Variants in NTN4 observed in about 807,000 individuals in gnomAD.
The protein encoded by NTN4 is netrin 4, also known as netrin-4.
Under a neutral mutation model 73.6 loss-of-function variants are expected in NTN4, and 32 were observed. The ratio of observed to expected loss-of-function variants is 0.44; its 90% confidence interval spans 0.33 to 0.58. NTN4 has a LOEUF of 0.58. Ranked by LOEUF, NTN4 falls within the 20% of genes least tolerant of loss-of-function variation. The pLI is 0.04. For missense variants in NTN4, 654 were observed against 798.3 expected (o/e 0.82, Z 2.18); for synonymous variants, 258 against 287.5 (o/e 0.90, Z 1.04).
intron 5 of NTN4, among the ~76,000 whole-genome samples, chr12:95,695,280 A>AAAAT (rs1208378966): frequency 6.6e-6 from 1 of 152,228 alleles, no homozygotes; most frequent in Non-Finnish European, 1.5e-5. Flanking sequence ...AAAGCTTTAA[A>AAAAT]AAATAAATGT....
intron 5 of NTN4, among the ~76,000 whole-genome samples, chr12:95,689,955 TG>T (rs2078389654): frequency 6.6e-6 from 1 of 152,190 alleles, no homozygotes; most frequent in Non-Finnish European, 1.5e-5. Flanking sequence ...TCCCCTGCAG[TG>T]CTTAGCGGAG....
chr12:95,784,340 C>T (rs2079152176), intron 2 of NTN4, among the ~76,000 whole-genome samples: 1 of 152,154 alleles, frequency 6.6e-6, no homozygotes, highest in Non-Finnish European at 1.5e-5. Flanking sequence ...TTCTTTAACT[C>T]AGGAGAGAAA....
chr12:95,696,009 C>T (rs1167459522), intron 5 of NTN4, among the ~76,000 whole-genome samples: 1 of 149,818 alleles, frequency 6.7e-6, no homozygotes, highest in Non-Finnish European at 1.5e-5. Flanking sequence ...CCCTTTCCCT[C>T]CCTCCCATAC....
intron 5 of NTN4, among the ~76,000 whole-genome samples, chr12:95,687,390 T>G (rs1369956649): frequency 1.4e-5 from 2 of 140,230 alleles, no homozygotes; most frequent in African/African-American, 2.6e-5. Flanking sequence ...AAAAATTTTT[T>G]TTTTTGTTTT....
chr12:95,677,071 C>A (rs2078279063), intron 7 of NTN4, among the ~76,000 whole-genome samples: 1 of 152,080 alleles, frequency 6.6e-6, no homozygotes, highest in South Asian at 2.1e-4. Context: ...CCCATCTCTA[C>A]TAAAAATACA....
chr12:95,764,147 AG>A (rs1211396008), intron 2 of NTN4, among the ~76,000 whole-genome samples: 3 of 152,246 alleles, frequency 2.0e-5, no homozygotes, highest in African/African-American at 7.2e-5. Flanking sequence ...GAGTCATAGA[AG>A]GGTGGGGTTG....
Position 95,770,988 on chromosome 12 carries a change from A to ATTTTTTTTTTTTTTTTTTTTT in NTN4, c.585+15950_585+15951insAAAAAAAAAAAAAAAAAAAAA, listed in dbSNP as rs1460848065. 6.9e-3 allele frequency among the ~76,000 whole-genome samples: 401 copies of ATTTTTTTTTTTTTTTTTTTTT among 57,978 alleles called. 37 individuals carry two copies. Among genetic ancestry groups the ATTTTTTTTTTTTTTTTTTTTT allele is most frequent in the African/African-American group, 0.014 (314 of 22,808 alleles). 38.0% of individuals were successfully genotyped at this position (57,978 alleles called of 152,430 possible). ...GCAAGATGAACCATCCAGGAAAAGA[A>ATTTTTTTTTTTTTTTTTTTTT]TTTGTTTTTTTTTTTTTTTGAGACA... On this transcript the variant is annotated intron_variant, in intron 2 of 9. Transcript: ENST00000343702.
intron 5 of NTN4, among the ~76,000 whole-genome samples, chr12:95,697,807 G>C (rs1294730646): frequency 6.6e-6 from 1 of 151,850 alleles, no homozygotes; most frequent in Non-Finnish European, 1.5e-5. Context: ...GACTAACCTG[G>C]GTTCAAATCC....
At chr12:95,670,773 A>G (rs7311331) in intron 7 of NTN4, among the ~76,000 whole-genome samples, 69,414 of 151,334 alleles carry the variant, frequency 0.46, 16,145 homozygotes, top group East Asian at 0.8. Context: ...TGGAAGAGTC[A>G]CATGTGTCTG....
At chr12:95,750,900 A>T (rs935681884) in intron 2 of NTN4, among the ~76,000 whole-genome samples, 6 of 151,864 alleles carry the variant, frequency 4.0e-5, no homozygotes, top group South Asian at 2.1e-4. Context: ...GCCCTCCCCC[A>T]CCTGCCCAGC....
intron 3 of NTN4, among the ~76,000 whole-genome samples, chr12:95,731,842 C>T (rs1054459742): frequency 2.0e-5 from 3 of 151,996 alleles, no homozygotes; most frequent in Non-Finnish European, 4.4e-5. Context: ...CTCTACCCTT[C>T]GTTCGTTTTG....
Position 95,789,935 on chromosome 12 carries a change from T to C in NTN4, c.55+320A>G. ...AAGTGCCGGGGGATGGCGAGCTGGG[T>C]CCTTTGTTCCCTCACCAAGTGGAAA... On this transcript the variant is annotated intron_variant, in intron 1 of 9. Transcript: ENST00000343702. This position sits in a 1 kb window ranked among gnomAD's most constrained non-coding sequence, Gnocchi z 4.0. 1 of 290,176 alleles carries C rather than the reference T, an allele frequency of 3.4e-6. No individual in the cohort carries two copies. The highest frequency in any genetic ancestry group is 6.4e-6 in the Non-Finnish European group (1 of 156,052). The allele number at this position is 290,176 out of a possible 1,614,324, so 18.0% of individuals were successfully genotyped here.
At chr12:95,739,712 A>G (rs2078808944) in intron 2 of NTN4, among the ~76,000 whole-genome samples, 1 of 152,236 alleles carries the variant, frequency 6.6e-6, no homozygotes, top group African/African-American at 2.4e-5. Flanking sequence ...AAAAGGACAC[A>G]CCAGTGCTAA....
At chr12:95,722,813 A>G (rs1471162368) in intron 3 of NTN4, among the ~76,000 whole-genome samples, 1 of 151,890 alleles carries the variant, frequency 6.6e-6, no homozygotes, top group Non-Finnish European at 1.5e-5. Flanking sequence ...TGTCTCTACG[A>G]AAAATAATAA....
intron 5 of NTN4, among the ~76,000 whole-genome samples, chr12:95,699,783 C>T (rs2078469501): frequency 1.3e-5 from 2 of 152,130 alleles, no homozygotes; most frequent in Admixed American, 6.6e-5. Flanking sequence ...TCACTCTGTG[C>T]TAAAGGGCAA....
chr12:95,750,536 G>A (rs2078898439), intron 2 of NTN4, among the ~76,000 whole-genome samples: 1 of 152,122 alleles, frequency 6.6e-6, no homozygotes, highest in South Asian at 2.1e-4. Flanking sequence ...TCTCCATCCT[G>A]CAAGATCTAA....
chr12:95,733,789 G>A (rs1271913988), intron 3 of NTN4, among the ~76,000 whole-genome samples: 1 of 152,098 alleles, frequency 6.6e-6, no homozygotes, highest in Non-Finnish European at 1.5e-5. Flanking sequence ...ACAGGAGGGG[G>A]CCGGGCATGG....
chr12:95,775,372 G>C (rs1375028243), intron 2 of NTN4, among the ~76,000 whole-genome samples: 1 of 152,220 alleles, frequency 6.6e-6, no homozygotes, highest in Non-Finnish European at 1.5e-5. Flanking sequence ...ATGAGCCAAA[G>C]CAGGGCGAGG....
At chr12:95,763,399 G>C (rs1297439140) in intron 2 of NTN4, among the ~76,000 whole-genome samples, 1 of 152,206 alleles carries the variant, frequency 6.6e-6, no homozygotes, top group African/African-American at 2.4e-5. Flanking sequence ...TTAACAAAAA[G>C]TTCTTCTGTG....
Sources: gnomAD v4.1 joint callset for allele counts (sites outside exome capture counted in the v4.1 genomes callset) on GRCh38, gnomAD v4.1.1 for gene constraint, Gnocchi (gnomAD v3.1) non-coding constraint, MANE v1.5 for transcripts, NCBI Gene and HGNC (gene_info 2026-07-23, HGNC 2026-07-21) for gene names.